CSMD1: variants seen among roughly 807,000 people sequenced by gnomAD.
The protein encoded by CSMD1 is CUB and sushi domain-containing protein 1.
A neutral mutation model predicts 417.5 loss-of-function variants in CSMD1; 213 were observed. The ratio of observed to expected loss-of-function variants is 0.51; its 90% CI spans 0.46 to 0.57. CSMD1 has a LOEUF of 0.57. Among genes scored for constraint, CSMD1 ranks in the 20% least tolerant of loss-of-function variants. The pLI is 0.00. For synonymous variants in CSMD1, 2,862 were observed against 1,736.8 expected, an observed-to-expected ratio of 1.65 and a Z score of -16.11; for missense variants, 6,923 against 4,529.7, an observed-to-expected ratio of 1.53 and a Z score of -15.17.
intron 49 of CSMD1, among the ~76,000 whole-genome samples, chr8:3,073,329 CA>C (rs35398873): frequency 0.13 from 19,966 of 150,446 alleles, 1,566 homozygotes; most frequent in Non-Finnish European, 0.18. Context: ...TTTAAATCAG[CA>C]AAAAAAAATT....
chr8:3,820,556 T>C (rs764336008), intron 5 of CSMD1, among the ~76,000 whole-genome samples: 1 of 152,036 alleles, frequency 6.6e-6, no homozygotes, highest in Admixed American at 6.5e-5. Context: ...CCATTTGTCG[T>C]TGTTGTGTTT....
intron 5 of CSMD1, among the ~76,000 whole-genome samples, chr8:3,861,184 T>A (rs1441950693): frequency 6.6e-6 from 1 of 152,172 alleles, no homozygotes; most frequent in Non-Finnish European, 1.5e-5. Context: ...TCCTCACCTG[T>A]TTCTTGGCAA....
chr8:4,964,287 G>A (rs11991123), intron 1 of CSMD1, among the ~76,000 whole-genome samples: 3 of 151,530 alleles, frequency 2.0e-5, no homozygotes, highest in African/African-American at 4.9e-5. Flanking sequence ...GCAAAGGGGG[G>A]CAAATTGCTT....
intron 3 of CSMD1, among the ~76,000 whole-genome samples, chr8:4,102,969 G>A (rs530855058): frequency 7.9e-5 from 12 of 152,050 alleles, no homozygotes; most frequent in Non-Finnish European, 1.2e-4. Context: ...ACTTTAACAC[G>A]TGCAGAGCCA....
chr8:4,336,526 T>G (rs1334008999), intron 3 of CSMD1, among the ~76,000 whole-genome samples: 2 of 152,166 alleles, frequency 1.3e-5, no homozygotes, highest in African/African-American at 4.8e-5. Flanking sequence ...AATAACGTGT[T>G]CGATGAATGT....
intron 3 of CSMD1, among the ~76,000 whole-genome samples, chr8:4,227,217 C>A (rs1468536116): frequency 6.6e-6 from 1 of 152,172 alleles, no homozygotes; most frequent in African/African-American, 2.4e-5. Context: ...GAAAGTACTG[C>A]ATGACCCGAT....
intron 18 of CSMD1, among the ~76,000 whole-genome samples, chr8:3,384,447 C>A (rs7819929): frequency 8.0e-5 from 12 of 150,924 alleles, no homozygotes; most frequent in African/African-American, 2.9e-4. Context: ...AGAATCCTTA[C>A]GCTATTGCAC....
intron 26 of CSMD1, among the ~76,000 whole-genome samples, chr8:3,259,869 AT>A (rs1800928066): frequency 1.3e-5 from 2 of 151,678 alleles, no homozygotes; most frequent in Admixed American, 1.3e-4. Flanking sequence ...TCAAAATAAA[AT>A]ATTAATTTAT....
intron 18 of CSMD1, among the ~76,000 whole-genome samples, chr8:3,371,789 T>A (rs1418530459): frequency 1.3e-5 from 2 of 152,238 alleles, no homozygotes; most frequent in South Asian, 2.1e-4. Flanking sequence ...AAAGAGAAAA[T>A]TTTTAAAATA....
intron 4 of CSMD1, among the ~76,000 whole-genome samples, chr8:4,015,683 A>AAG: frequency 6.8e-6 from 1 of 147,172 alleles, no homozygotes; most frequent in South Asian, 2.1e-4. Context: ...AAAAAAAAAA[A>AAG]CTCAAGACAG....
chr8:3,956,374 TGA>T (rs1811947071), intron 5 of CSMD1, among the ~76,000 whole-genome samples: 1 of 152,064 alleles, frequency 6.6e-6, no homozygotes, highest in African/African-American at 2.4e-5. Flanking sequence ...CAATTAGAAG[TGA>T]GAGAGCTAGA....
chr8:3,892,916 C>G (rs942507773), intron 5 of CSMD1, among the ~76,000 whole-genome samples: 6 of 151,492 alleles, frequency 4.0e-5, no homozygotes, highest in African/African-American at 1.5e-4. Context: ...GAGCAAGAGG[C>G]CTCTCTGTGA....
intron 30 of CSMD1, 106 bp downstream of exon 30, chr8:3,214,391 C>G: frequency 1.0e-6 from 1 of 955,368 alleles, no homozygotes; most frequent in Non-Finnish European, 1.5e-6. Flanking sequence ...CAATCCTCAC[C>G]ACCGATGAGA....
chr8:3,306,262 A>AT (rs1157452180), intron 25 of CSMD1, among the ~76,000 whole-genome samples: 1 of 152,146 alleles, frequency 6.6e-6, no homozygotes, highest in East Asian at 1.9e-4. Flanking sequence ...GTTTATAAAT[A>AT]TTTTTCATCC....
chr8:3,334,646 C>T (rs561978035), intron 23 of CSMD1, among the ~76,000 whole-genome samples: 150 of 152,338 alleles, frequency 9.8e-4, no homozygotes, highest in African/African-American at 3.1e-3. Flanking sequence ...GATCACCCAC[C>T]TTCACCTTTT....
chr8:4,573,227 TG>T (rs781666436), intron 2 of CSMD1, among the ~76,000 whole-genome samples: 4 of 152,204 alleles, frequency 2.6e-5, no homozygotes, highest in Non-Finnish European at 5.9e-5. Flanking sequence ...TCAGCATTTT[TG>T]TGCTGGTTTT....
At chr8:3,366,250 G>T (rs370383632) in intron 20 of CSMD1, among the ~76,000 whole-genome samples, 1 of 152,056 alleles carries the variant, frequency 6.6e-6, no homozygotes, top group African/African-American at 2.4e-5. Context: ...TGGAGGGTGG[G>T]GGCATGCTGG....
intron 5 of CSMD1, among the ~76,000 whole-genome samples, chr8:3,985,472 C>A (rs148467955): frequency 6.6e-6 from 1 of 152,142 alleles, no homozygotes; most frequent in African/African-American, 2.4e-5. Flanking sequence ...CATTTTAGAA[C>A]ATAATTGCTG....
At chr8:3,807,011 G>A (rs1800777510) in intron 5 of CSMD1, among the ~76,000 whole-genome samples, 1 of 152,112 alleles carries the variant, frequency 6.6e-6, no homozygotes, top group Admixed American at 6.5e-5. Context: ...TGGCTAGAGG[G>A]CTAGAAATAT....
Sources: gnomAD v4.1 joint callset for allele counts (sites outside exome capture counted in the v4.1 genomes callset) on GRCh38, gnomAD v4.1.1 for gene constraint, MANE v1.5 for transcripts, NCBI Gene and HGNC (gene_info 2026-07-23, HGNC 2026-07-21) for gene names.